DLG2: variants seen among roughly 807,000 people sequenced by gnomAD.
DLG2 encodes the protein disks large homolog 2.
A neutral mutation model predicts 132.5 loss-of-function variants in DLG2; 45 were observed. That is an observed-to-expected ratio of 0.34 (90% CI 0.27 to 0.44). The LOEUF is 0.44. Ranked by LOEUF, DLG2 falls within the 20% of genes least tolerant of loss-of-function variation. DLG2 has a pLI of 1.00. For synonymous variants in DLG2, 424 were observed against 419.6 expected, an observed-to-expected ratio of 1.01 and a Z score of -0.13; for missense variants, 1,045 against 1,196.9, an observed-to-expected ratio of 0.87 and a Z score of 1.87.
intron 4 of DLG2, among the ~76,000 whole-genome samples, chr11:85,180,223 T>C (rs1449465331): frequency 6.6e-6 from 1 of 151,888 alleles, no homozygotes; most frequent in Non-Finnish European, 1.5e-5. Context: ...CACATATACA[T>C]ACTGAGAAAT....
intron 4 of DLG2, among the ~76,000 whole-genome samples, chr11:85,173,333 A>G (rs2079007137): frequency 6.6e-6 from 1 of 152,200 alleles, no homozygotes; most frequent in African/African-American, 2.4e-5. Context: ...ATTCTTAAAG[A>G]AAAGTATTTC....
intron 3 of DLG2, among the ~76,000 whole-genome samples, chr11:85,544,403 T>C (rs553120435): frequency 6.6e-6 from 1 of 152,348 alleles, no homozygotes; most frequent in African/African-American, 2.4e-5. Flanking sequence ...AGGCTTGTAA[T>C]AAAGCTTGAA....
Position 84,703,881 on chromosome 11 carries a change from T to TATATATATATATAC in DLG2, c.358-169151_358-169150insGTATATATATATAT, listed in dbSNP as rs1039735623. 5.7e-4 allele frequency among the ~76,000 whole-genome samples: 70 copies of TATATATATATATAC among 122,708 alleles called. 1 individual carries two copies. The highest frequency in any genetic ancestry group is 5.0e-3 in the South Asian group (20 of 4,018). 80.5% of individuals were successfully genotyped at this position (122,708 alleles called of 152,430 possible). ...AGATATATATATATATATATATATA[T>TATATATATATATAC]ATACACGTGTGTGTGTGTGTGTGTG... On this transcript the variant is annotated intron_variant, in intron 6 of 27. Coordinates refer to ENST00000376104, the MANE Select transcript of DLG2 (RefSeq NM_001142699.3).
chr11:83,869,471 C>A (rs568732559), intron 16 of DLG2, among the ~76,000 whole-genome samples: 1 of 152,162 alleles, frequency 6.6e-6, no homozygotes, highest in South Asian at 2.1e-4. Flanking sequence ...GTTTCATGAG[C>A]CTAGGTGGCC....
intron 6 of DLG2, among the ~76,000 whole-genome samples, chr11:84,711,537 C>A (rs559755157): frequency 6.6e-6 from 1 of 151,180 alleles, no homozygotes. Context: ...AGTCTAAAGG[C>A]CTGAGAACTG....
chr11:83,558,572 C>G (rs2096558437), intron 19 of DLG2, among the ~76,000 whole-genome samples: 1 of 152,002 alleles, frequency 6.6e-6, no homozygotes, highest in African/African-American at 2.4e-5. Flanking sequence ...AATTTGTTAC[C>G]ATTCTCTCTA....
At chr11:84,346,905 A>T (rs1174493648) in intron 7 of DLG2, among the ~76,000 whole-genome samples, 3 of 152,104 alleles carry the variant, frequency 2.0e-5, no homozygotes, top group Non-Finnish European at 4.4e-5. Flanking sequence ...TCTGTAAAGT[A>T]AGTATGTTGC....
At chr11:84,641,956 T>C (rs1309872423) in intron 6 of DLG2, among the ~76,000 whole-genome samples, 1 of 150,632 alleles carries the variant, frequency 6.6e-6, no homozygotes, top group African/African-American at 2.4e-5. Context: ...CATCCATACG[T>C]ATATATGTAT....
intron 6 of DLG2, among the ~76,000 whole-genome samples, chr11:85,085,177 G>A (rs1351756863): frequency 6.6e-6 from 1 of 152,118 alleles, no homozygotes; most frequent in South Asian, 2.1e-4. Context: ...ATATGAGGTA[G>A]CATTTGCAGT....
intron 4 of DLG2, among the ~76,000 whole-genome samples, chr11:85,180,163 A>G (rs537815587): frequency 6.6e-6 from 1 of 151,930 alleles, no homozygotes; most frequent in Non-Finnish European, 1.5e-5. Context: ...GTTATAAAAG[A>G]ATATATACTA....
Position 83,471,703 on chromosome 11 carries a change from A to T in DLG2, c.2369T>A (p.Ile790Asn), listed in dbSNP as rs778352226. The change falls in exon 24 of 28, where the codon ATC becomes AAC. Residue 790 changes from isoleucine (I) to asparagine (N), a missense_variant. This residue lies in a region of DLG2 where 398 missense variants were observed against 543.6 expected (regional missense o/e 0.73). Coordinates refer to ENST00000376104, the MANE Select transcript of DLG2 (RefSeq NM_001142699.3). Reference sequence around the variant, plus strand: ...GATCCGATCCTTCATGGGCCCCAGGATAATCACCGGCCGGGTGTAGTTTAC... The same window carrying T: ...GATCCGATCCTTCATGGGCCCCAGGTTAATCACCGGCCGGGTGTAGTTTAC... Reference protein sequence around the residue: ...QEINYTRPVIILGPMKDRIND... With the variant: ...QEINYTRPVINLGPMKDRIND... The T allele has an allele frequency of 6.2e-7, 1 of 1,613,100 alleles. No individual in the cohort carries two copies. The highest frequency in any genetic ancestry group is 8.5e-7 in the Non-Finnish European group (1 of 1,179,366).
At chr11:83,827,216 C>A (rs2053103283) in intron 17 of DLG2, among the ~76,000 whole-genome samples, 1 of 152,008 alleles carries the variant, frequency 6.6e-6, no homozygotes, top group African/African-American at 2.4e-5. Flanking sequence ...GAGGTGGAAG[C>A]AACAACACCA....
At chr11:84,240,471 A>G (rs994627038) in intron 8 of DLG2, among the ~76,000 whole-genome samples, 5 of 152,112 alleles carry the variant, frequency 3.3e-5, no homozygotes, top group African/African-American at 1.2e-4. Flanking sequence ...TAATTTTTTT[A>G]GTTATCCAGC....
chr11:83,614,610 T>C (rs2060541275), intron 19 of DLG2, among the ~76,000 whole-genome samples: 1 of 151,756 alleles, frequency 6.6e-6, no homozygotes, highest in Non-Finnish European at 1.5e-5. Context: ...TTGCAGCTAG[T>C]AGGGAGGCTG....
Position 85,186,193 on chromosome 11 carries a change from T to G in DLG2, c.187-31542A>C, listed in dbSNP as rs557295683. Among the ~76,000 whole-genome samples, 338 of 152,064 alleles carry G rather than the reference T, an allele frequency of 2.2e-3. 1 individual carries two copies. Among genetic ancestry groups the G allele is most frequent in the African/African-American group, 7.8e-3 (324 of 41,494 alleles). ...CACAATTGTGAGCCATAGTAAAATT[T>G]TGTATTTTCTAGTAGCTGTATTAAA... On this transcript the variant is annotated intron_variant, in intron 4 of 27. Transcript: ENST00000376104.
chr11:85,380,810 A>C (rs11824843), intron 3 of DLG2, among the ~76,000 whole-genome samples: 9,112 of 152,248 alleles, frequency 0.06, 323 homozygotes, highest in African/African-American at 0.092. Context: ...AGGAATGACA[A>C]CACTTATAGG....
At chr11:83,846,519 G>A (rs1268147542) in intron 16 of DLG2, among the ~76,000 whole-genome samples, 1 of 152,288 alleles carries the variant, frequency 6.6e-6, no homozygotes, top group Non-Finnish European at 1.5e-5. Context: ...GGTCTCTAAA[G>A]ACACTTCTGC....
At chr11:84,800,835 C>T (rs997934966) in intron 6 of DLG2, 4 of 152,034 alleles carry the variant, frequency 2.6e-5, no homozygotes, top group African/African-American at 7.2e-5. Flanking sequence ...GTTATTTTTA[C>T]GAGTCTACAG....
chr11:85,092,391 A>T (rs1327224266), intron 6 of DLG2, among the ~76,000 whole-genome samples: 2 of 152,166 alleles, frequency 1.3e-5, no homozygotes, highest in African/African-American at 4.8e-5. Flanking sequence ...AACAAATTAA[A>T]ATCTCAAAAA....
Sources: allele counts gnomAD v4.1 joint callset (sites outside exome capture counted in the v4.1 genomes callset), GRCh38; gene constraint gnomAD v4.1.1; regional missense constraint gnomAD v4.1.1; transcripts MANE v1.5; gene names NCBI Gene and HGNC (gene_info 2026-07-23, HGNC 2026-07-21).